The following ERBB4 variants were observed in gnomAD, a reference collection of about 807,000 sequenced individuals.
ERBB4 encodes the protein erb-b2 receptor tyrosine kinase 4.
Under a neutral mutation model 158.0 loss-of-function variants are expected in ERBB4, and 42 were observed. That is an observed-to-expected ratio of 0.27 (90% CI 0.21 to 0.34). The LOEUF (loss-of-function observed/expected upper bound fraction) is 0.34. Ranked by LOEUF, ERBB4 falls within the 10% of genes least tolerant of loss-of-function variation. The pLI is 1.00. For missense variants in ERBB4, 1,333 were observed against 1,624.1 expected, an observed-to-expected ratio of 0.82 and a Z score of 3.08; for synonymous variants, 583 against 558.7, an observed-to-expected ratio of 1.04 and a Z score of -0.61.
rs2063575131 is a variant in ERBB4 at position 211,424,194 on chromosome 2, G to A, written c.2827C>T (p.Pro943Ser). 1 of 1,613,214 alleles carries A rather than the reference G, an allele frequency of 6.2e-7. No individual in the cohort carries two copies. The highest frequency in any genetic ancestry group is 2.2e-5 in the East Asian group (1 of 44,848). Reference sequence around the variant, plus strand: ...ATGTAAACGTCAATAGTGCAGATGGGAGGCTGAGGCAAACGTTCTCCTTTC... The same window carrying A: ...ATGTAAACGTCAATAGTGCAGATGGAAGGCTGAGGCAAACGTTCTCCTTTC... ...LEKGERLPQPPICTIDVYMVM... is the reference protein window; with the variant it reads ...LEKGERLPQPSICTIDVYMVM... Residue 943 changes from proline to serine, a missense_variant, in exon 23 of 28, where the codon CCC (proline) becomes TCC (serine). Transcript: ENST00000342788.
intron 1 of ERBB4, among the ~76,000 whole-genome samples, chr2:212,244,768 T>TGCCA (rs2106027081): frequency 6.6e-6 from 1 of 152,270 alleles, no homozygotes; most frequent in African/African-American, 2.4e-5. Context: ...TCCAAAACCT[T>TGCCA]GCCAGAGAAT....
At chr2:212,525,293 C>T in intron 1 of ERBB4, among the ~76,000 whole-genome samples, 1 of 151,856 alleles carries the variant, frequency 6.6e-6, no homozygotes, top group East Asian at 1.9e-4. Flanking sequence ...TCAAAGATGT[C>T]TTCAAGTTTA....
At chr2:212,415,545 A>T (rs2091626699) in intron 1 of ERBB4, among the ~76,000 whole-genome samples, 1 of 152,164 alleles carries the variant, frequency 6.6e-6, no homozygotes, top group African/African-American at 2.4e-5. Flanking sequence ...AACGTGACAC[A>T]TAAAGTTCTT....
rs750178797 is a variant in ERBB4, at chr2:211,420,426, A to T, written c.3135+15T>A. The T allele has an allele frequency of 1.3e-6, 2 of 1,550,288 alleles. No homozygotes were observed. The highest frequency in any genetic ancestry group is 1.8e-6 in the Non-Finnish European group (2 of 1,123,356). The stretch of plus-strand genomic sequence containing the variant: ...CTCAGAAAGAATATGATATGTGTAT[A>T]TAATTATTTCTTACCCTATTCGAGT... On this transcript the variant is annotated intron_variant, in intron 25 of 27. Coordinates refer to ENST00000342788, the MANE Select transcript of ERBB4 (RefSeq NM_005235.3).
chr2:211,787,912 T>G (rs2076202505), intron 4 of ERBB4, 113 bp downstream of exon 4: 5 of 1,015,406 alleles, frequency 4.9e-6, no homozygotes, highest in Non-Finnish European at 7.6e-6. Context: ...ACTGAACATT[T>G]CAATGAATGC....
chr2:212,194,489 C>T (rs189866968), intron 1 of ERBB4, among the ~76,000 whole-genome samples: 1 of 151,986 alleles, frequency 6.6e-6, no homozygotes, highest in East Asian at 1.9e-4. Context: ...GTTACTATTT[C>T]CCTTAGCTAA....
At chr2:212,373,167 CA>C (rs1328682176) in intron 1 of ERBB4, among the ~76,000 whole-genome samples, 1 of 151,886 alleles carries the variant, frequency 6.6e-6, no homozygotes, top group Non-Finnish European at 1.5e-5. Flanking sequence ...TATCTAACAC[CA>C]AAAATAAAAT....
chr2:212,339,802 T>A (rs1210575706), intron 1 of ERBB4, among the ~76,000 whole-genome samples: 1 of 152,142 alleles, frequency 6.6e-6, no homozygotes, highest in East Asian at 1.9e-4. Context: ...TTTTTAAAAT[T>A]TTGAGATAGG....
At chr2:211,768,876 T>C (rs891505499) in intron 4 of ERBB4, among the ~76,000 whole-genome samples, 6 of 152,246 alleles carry the variant, frequency 3.9e-5, no homozygotes, top group African/African-American at 1.2e-4. Flanking sequence ...CTTATGCCAA[T>C]TTTTGCAGCC....
At chr2:212,442,268 A>G (rs901018804) in intron 1 of ERBB4, among the ~76,000 whole-genome samples, 3 of 150,586 alleles carry the variant, frequency 2.0e-5, no homozygotes, top group African/African-American at 7.2e-5. Context: ...TTACAAAAAA[A>G]GGGAATCATG....
At chr2:211,478,761 C>A (rs2065015804) in intron 20 of ERBB4, among the ~76,000 whole-genome samples, 1 of 152,058 alleles carries the variant, frequency 6.6e-6, no homozygotes, top group Admixed American at 6.6e-5. Flanking sequence ...TTTTCTAACT[C>A]TTATGATAAA....
chr2:211,657,322 A>C (rs551380329), intron 16 of ERBB4, among the ~76,000 whole-genome samples: 6 of 152,092 alleles, frequency 3.9e-5, no homozygotes, highest in Admixed American at 6.5e-5. Flanking sequence ...CAGCCTGGCC[A>C]ACATGGTGAA....
intron 3 of ERBB4, among the ~76,000 whole-genome samples, chr2:211,831,063 T>C (rs1252859971): frequency 6.6e-6 from 1 of 151,994 alleles, no homozygotes; most frequent in Admixed American, 6.6e-5. Context: ...TACAGAGGGA[T>C]AGAAAGAAAA....
At chr2:211,880,454 A>T (rs1256667564) in intron 3 of ERBB4, among the ~76,000 whole-genome samples, 1 of 152,184 alleles carries the variant, frequency 6.6e-6, no homozygotes, top group African/African-American at 2.4e-5. Context: ...TACACAGTAG[A>T]TGCCTAATAA....
intron 2 of ERBB4, among the ~76,000 whole-genome samples, chr2:212,102,187 A>T: frequency 6.9e-6 from 1 of 144,124 alleles, no homozygotes; most frequent in East Asian, 2.0e-4. Context: ...ACCGCTGGTC[A>T]TTTTCATAAT....
chr2:211,992,831 G>C (rs1346323057), intron 2 of ERBB4, among the ~76,000 whole-genome samples: 1 of 152,122 alleles, frequency 6.6e-6, no homozygotes, highest in African/African-American at 2.4e-5. Context: ...GGGCTCCAAA[G>C]ACAAAGTCTT....
intron 1 of ERBB4, among the ~76,000 whole-genome samples, chr2:212,367,391 G>A (rs371352756): frequency 4.7e-4 from 72 of 152,016 alleles, no homozygotes; most frequent in African/African-American, 1.7e-3. Context: ...CCACACGTAG[G>A]AGAATGATAC....
intron 3 of ERBB4, among the ~76,000 whole-genome samples, chr2:211,900,747 C>T (rs1270966938): frequency 3.3e-5 from 5 of 152,096 alleles, no homozygotes; most frequent in Non-Finnish European, 7.4e-5. Context: ...AGACTTGTCA[C>T]ATGTCCACTG....
At chr2:212,344,661 C>T (rs2088895016) in intron 1 of ERBB4, among the ~76,000 whole-genome samples, 1 of 151,974 alleles carries the variant, frequency 6.6e-6, no homozygotes, top group Admixed American at 6.6e-5. Flanking sequence ...GAAACCACAC[C>T]TTATTTCAAC....
Sources: allele counts gnomAD v4.1 joint callset (sites outside exome capture counted in the v4.1 genomes callset), GRCh38; gene constraint gnomAD v4.1.1; transcripts MANE v1.5; gene names NCBI Gene and HGNC (gene_info 2026-07-23, HGNC 2026-07-21).